The following CAND1 variants were observed in gnomAD, a reference collection of about 807,000 sequenced individuals.
CAND1 encodes cullin associated and neddylation dissociated 1, also known as cullin-associated NEDD8-dissociated protein 1.
In CAND1, 7 loss-of-function variants were observed where a neutral mutation model predicts 108.5. That is an observed-to-expected ratio of 0.06 (90% CI 0.04 to 0.12). The LOEUF is 0.12. Among genes scored for constraint, CAND1 ranks in the 10% least tolerant of loss-of-function variants. CAND1 has a pLI of 1.00. For missense variants in CAND1, 941 were observed against 1,448.7 expected (o/e 0.65, Z 5.69); for synonymous variants, 534 against 512.0 (o/e 1.04, Z -0.58).
At position 67,310,084 on chromosome 12, in the gene CAND1, C is replaced by A; in HGVS notation, c.3195+14C>A. 1.2e-6 allele frequency: 2 copies of A among 1,610,036 alleles called. No individual in the cohort carries two copies. Among genetic ancestry groups the A allele is most frequent in the Non-Finnish European group, 1.7e-6 (2 of 1,177,818 alleles). On this transcript the variant is annotated intron_variant, in intron 12 of 14. Coordinates refer to ENST00000545606, the MANE Select transcript of CAND1 (RefSeq NM_018448.5). ...CTTATAAGAGAGGTAAGTTAGATCA[C>A]ACTGTTTATTTGAGCTTGTCTTTGA...
intron 2 of CAND1, among the ~76,000 whole-genome samples, chr12:67,291,817 C>T: frequency 6.6e-6 from 1 of 152,234 alleles, no homozygotes; most frequent in African/African-American, 2.4e-5. Flanking sequence ...TTGGATGGAA[C>T]TTCCATTGTA....
chr12:67,295,247 G>T, intron 4 of CAND1, 91 bp downstream of exon 4: 1 of 1,217,822 alleles, frequency 8.2e-7, no homozygotes, highest in Non-Finnish European at 1.1e-6. Context: ...ATAAAACTTG[G>T]TCAGAAATTA....
At chr12:67,303,082 T>C (rs1219791284) in intron 8 of CAND1, among the ~76,000 whole-genome samples, 2 of 152,200 alleles carry the variant, frequency 1.3e-5, no homozygotes, top group Non-Finnish European at 2.9e-5. Flanking sequence ...CTACTACATA[T>C]ATGCTTGATA....
At chr12:67,310,683 A>G (rs1161472395) in intron 13 of CAND1, 2 of 158,370 alleles carry the variant, frequency 1.3e-5, no homozygotes, top group Non-Finnish European at 1.4e-5. Flanking sequence ...GTTGCTACCC[A>G]TGGAGGGTTT....
intron 2 of CAND1, among the ~76,000 whole-genome samples, chr12:67,287,118 G>T (rs1409228221): frequency 6.6e-6 from 1 of 152,132 alleles, no homozygotes; most frequent in Non-Finnish European, 1.5e-5. Flanking sequence ...GTTGTTGGGA[G>T]CTGTGTATTC....
intron 8 of CAND1, among the ~76,000 whole-genome samples, chr12:67,302,966 AT>A (rs1281412320): frequency 6.6e-6 from 1 of 152,154 alleles, no homozygotes; most frequent in Non-Finnish European, 1.5e-5. Context: ...TTATTTAGTC[AT>A]TTTATTAAAC....
intron 2 of CAND1, among the ~76,000 whole-genome samples, chr12:67,284,889 C>G (rs992710140): frequency 1.3e-4 from 19 of 151,804 alleles, no homozygotes; most frequent in African/African-American, 4.6e-4. Context: ...TCTGCTGTTT[C>G]TTTTGAGGGT....
In CAND1 at chr12:67,311,774, C is replaced by T; in HGVS notation, c.3442C>T (p.Pro1148Ser). The part of the protein sequence containing the change: ...VLQRLDRLVE[P>S]LRATCTTKVK... ...GCAGAGGTTGGACCGACTTGTTGAG[C>T]CATTACGTGCAACATGTACAACTAA... is the stretch of plus-strand genomic sequence containing the variant. Residue 1148 changes from proline (P) to serine (S), a missense_variant, in exon 14 of 15, where the codon CCA becomes TCA. This residue lies in a region of CAND1 where 22 missense variants were observed against 24.4 expected (regional missense o/e 0.90). Transcript: ENST00000545606. The T allele has an allele frequency of 6.2e-7, 1 of 1,607,896 alleles. No homozygotes were observed. The highest frequency in any genetic ancestry group is 8.5e-7 in the Non-Finnish European group (1 of 1,174,512).
At chr12:67,276,215 A>C (rs760939917) in intron 1 of CAND1, among the ~76,000 whole-genome samples, 11 of 152,216 alleles carry the variant, frequency 7.2e-5, no homozygotes, top group Non-Finnish European at 1.5e-4. Flanking sequence ...CAGATTTCTT[A>C]GCTGTTGCCC....
intron 11 of CAND1, among the ~76,000 whole-genome samples, chr12:67,309,043 A>G (rs2044920842): frequency 6.6e-6 from 1 of 152,030 alleles, no homozygotes; most frequent in African/African-American, 2.4e-5. Context: ...GTGAATACTT[A>G]GTGTGTACTA....
chr12:67,283,073 A>G (rs939628211), intron 2 of CAND1, among the ~76,000 whole-genome samples: 1 of 152,200 alleles, frequency 6.6e-6, no homozygotes, highest in African/African-American at 2.4e-5. Flanking sequence ...GTCTTTTTGT[A>G]CATCATTATA....
chr12:67,283,652 T>A (rs1166353312), intron 2 of CAND1, among the ~76,000 whole-genome samples: 2 of 152,170 alleles, frequency 1.3e-5, no homozygotes, highest in African/African-American at 4.8e-5. Context: ...TTCTTTATCT[T>A]TTAATATCTT....
At chr12:67,288,106 T>G (rs1039998231) in intron 2 of CAND1, among the ~76,000 whole-genome samples, 1 of 151,810 alleles carries the variant, frequency 6.6e-6, no homozygotes, top group Non-Finnish European at 1.5e-5. Flanking sequence ...TCAAGGTATT[T>G]GATAGTGTTC....
chr12:67,296,716 T>C (rs1357324187), intron 4 of CAND1, among the ~76,000 whole-genome samples: 1 of 152,086 alleles, frequency 6.6e-6, no homozygotes, highest in Non-Finnish European at 1.5e-5. Flanking sequence ...ATTATAGGCA[T>C]GAGCCACCAT....
intron 2 of CAND1, 109 bp from the exon 3 acceptor site, chr12:67,292,513 T>C: frequency 1.4e-6 from 1 of 705,796 alleles, no homozygotes; most frequent in Admixed American, 3.3e-5. Context: ...ACATGGTATA[T>C]ACTTTATCTT....
rs1193898268 is a variant in CAND1, at chr12:67,315,537, AATG to A, written c.*2710_*2712del. ...GTTATTTATAAAATCAATAGCACTG[AATG>A]ATAATTTTTTTAATGACAGTCATGT... On this transcript the variant is annotated 3_prime_UTR_variant, in exon 15 of 15. Transcript: ENST00000545606. 6.6e-6 allele frequency: 1 copy of A among 152,046 alleles called. No individual in the cohort carries two copies. The highest frequency in any genetic ancestry group is 6.6e-5 in the Admixed American group (1 of 15,266). The allele number at this position is 152,046 out of a possible 1,614,324, so 9.4% of individuals were successfully genotyped here.
At chr12:67,310,489 G>A in intron 13 of CAND1, 173 bp downstream of exon 13, 3 of 476,114 alleles carry the variant, frequency 6.3e-6, no homozygotes, top group Non-Finnish European at 7.5e-6. Context: ...AACACCAGTT[G>A]ACGTGTAAGA....
chr12:67,270,515 A>G (rs894610214), intron 1 of CAND1: 5 of 152,188 alleles, frequency 3.3e-5, no homozygotes, highest in Non-Finnish European at 5.9e-5. Flanking sequence ...AAAGGGGTGG[A>G]TTGCTGGATC....
intron 1 of CAND1, among the ~76,000 whole-genome samples, chr12:67,272,524 T>G (rs1030298714): frequency 6.7e-4 from 102 of 152,358 alleles, no homozygotes; most frequent in African/African-American, 2.4e-3. Context: ...TTTGTAGGAC[T>G]ATTAAGGCTC....
Sources: gnomAD v4.1 joint callset for allele counts (sites outside exome capture counted in the v4.1 genomes callset) on GRCh38, gnomAD v4.1.1 for gene constraint, gnomAD v4.1.1 regional missense constraint, MANE v1.5 for transcripts, NCBI Gene and HGNC (gene_info 2026-07-23, HGNC 2026-07-21) for gene names.